Variants in AGBL4 observed in about 807,000 individuals in gnomAD.
AGBL4 encodes the protein AGBL carboxypeptidase 4, also known as cytosolic carboxypeptidase 6.
AGBL4 carries 58 observed loss-of-function variants against 66.4 expected under a neutral mutation model. The observed-to-expected ratio is 0.87, with a 90% CI of 0.71 to 1.09. The LOEUF is 1.09. Ranked by LOEUF, AGBL4 falls within the 50% of genes least tolerant of loss-of-function variation. AGBL4 has a pLI of 0.00. For missense variants in AGBL4, 579 were observed against 631.0 expected (o/e 0.92, Z 0.88); for synonymous variants, 234 against 222.9 (o/e 1.05, Z -0.44).
chr1:49,706,539 T>C (rs1471331084), intron 2 of AGBL4, among the ~76,000 whole-genome samples: 1 of 152,186 alleles, frequency 6.6e-6, no homozygotes, highest in Admixed American at 6.5e-5. Flanking sequence ...TTTTCATCTC[T>C]ATCTCCTTCA....
At chr1:49,029,178 C>A (rs2149032686) in intron 5 of AGBL4, among the ~76,000 whole-genome samples, 1 of 152,202 alleles carries the variant, frequency 6.6e-6, no homozygotes, top group Middle Eastern at 3.4e-3. Flanking sequence ...GCTCTTGCCA[C>A]TTCTATTTAA....
At chr1:49,114,618 C>G (rs1034895617) in intron 4 of AGBL4, among the ~76,000 whole-genome samples, 1 of 152,184 alleles carries the variant, frequency 6.6e-6, no homozygotes, top group African/African-American at 2.4e-5. Flanking sequence ...ACCTTCCTTA[C>G]TAAGATTAAT....
At chr1:49,329,890 A>G (rs1193289326) in intron 3 of AGBL4, among the ~76,000 whole-genome samples, 3 of 152,150 alleles carry the variant, frequency 2.0e-5, no homozygotes, top group Non-Finnish European at 2.9e-5. Context: ...TGTCTTATAT[A>G]TATTTACTTG....
At chr1:49,075,071 C>A (rs190921040) in intron 4 of AGBL4, among the ~76,000 whole-genome samples, 1 of 152,306 alleles carries the variant, frequency 6.6e-6, no homozygotes, top group African/African-American at 2.4e-5. Context: ...ATTCCCTGGA[C>A]ATTTCACTCA....
chr1:48,742,893 T>A, intron 6 of AGBL4: 1 of 938,238 alleles, frequency 1.1e-6, no homozygotes, highest in Non-Finnish European at 1.5e-6. Context: ...TTTTGTCCAT[T>A]GAACTACACT....
chr1:49,974,479 G>T (rs188895220), intron 1 of AGBL4, among the ~76,000 whole-genome samples: 1 of 152,106 alleles, frequency 6.6e-6, no homozygotes, highest in South Asian at 2.1e-4. Context: ...TTATTCTCAG[G>T]TGTGGAAATA....
At chr1:48,563,757 G>A (rs935863359) in intron 11 of AGBL4, among the ~76,000 whole-genome samples, 3 of 152,174 alleles carry the variant, frequency 2.0e-5, no homozygotes, top group African/African-American at 7.2e-5. Flanking sequence ...TGGAAAGGTC[G>A]GTGATCACTG....
intron 4 of AGBL4, among the ~76,000 whole-genome samples, chr1:49,047,065 A>G (rs185204494): frequency 5.9e-5 from 9 of 152,106 alleles, no homozygotes; most frequent in Non-Finnish European, 1.0e-4. Flanking sequence ...ATAACATACT[A>G]GTGTTTGTTG....
intron 3 of AGBL4, among the ~76,000 whole-genome samples, chr1:49,265,868 T>C (rs567099535): frequency 1.3e-5 from 2 of 152,258 alleles, no homozygotes; most frequent in South Asian, 2.1e-4. Context: ...TATGTGCATG[T>C]ATGTATGTAA....
In AGBL4 at chr1:49,760,784, T is replaced by C. The variant is rs1264343587; in HGVS notation, c.158-63347A>G. On this transcript the variant is annotated intron_variant, in intron 2 of 13. Transcript: ENST00000371839. ...ATAGAACCAACCCAAATGCCCATCA[T>C]TGATAGAATGGATAAAGAAAATGTG... Among the ~76,000 whole-genome samples, 7 of 152,104 alleles carry C rather than the reference T, an allele frequency of 4.6e-5. No homozygotes were observed. In the South Asian group the frequency reaches 6.2e-4, roughly 14 times the overall value.
rs115180412 is a variant in AGBL4, at chr1:48,814,655, C to T, written c.634+52536G>A. On this transcript the variant is annotated intron_variant, in intron 6 of 13. Coordinates refer to ENST00000371839, the MANE Select transcript of AGBL4 (RefSeq NM_032785.4). ...GCATCCACATATGAGTGAGAACATG[C>T]GGTATTTAACTTTCTGTTCCCGGCT... Among the ~76,000 whole-genome samples the T allele has an allele frequency of 1.2e-3, 175 of 146,852 alleles. 1 individual carries two copies. Among genetic ancestry groups the T allele is most frequent in the African/African-American group, 4.1e-3 (163 of 39,686 alleles).
intron 3 of AGBL4, among the ~76,000 whole-genome samples, chr1:49,418,191 C>T (rs1237694006): frequency 2.0e-5 from 3 of 152,134 alleles, no homozygotes; most frequent in African/African-American, 4.8e-5. Context: ...TAAGCCAAAT[C>T]TGTCAATATC....
intron 2 of AGBL4, among the ~76,000 whole-genome samples, chr1:49,715,676 T>C (rs35981478): frequency 1.1e-4 from 16 of 152,196 alleles, no homozygotes; most frequent in Non-Finnish European, 8.8e-5. Context: ...TGGTATCTCA[T>C]TGTGGTTTTG....
intron 8 of AGBL4, among the ~76,000 whole-genome samples, chr1:48,652,053 C>A (rs529725479): frequency 6.6e-6 from 1 of 152,040 alleles, no homozygotes; most frequent in African/African-American, 2.4e-5. Flanking sequence ...GATAACCAGG[C>A]CTGCTTGGTA....
chr1:49,527,026 C>A (rs968229952), intron 3 of AGBL4, among the ~76,000 whole-genome samples: 3 of 152,080 alleles, frequency 2.0e-5, no homozygotes, highest in Admixed American at 1.3e-4. Context: ...ATTATTTATC[C>A]TTTCTCTTAT....
intron 2 of AGBL4, among the ~76,000 whole-genome samples, chr1:49,769,182 A>C (rs1296561137): frequency 6.6e-6 from 1 of 152,056 alleles, no homozygotes; most frequent in South Asian, 2.1e-4. Flanking sequence ...TCAAGCCAAG[A>C]GCCAAATAAA....
At position 49,034,842 on chromosome 1, in the gene AGBL4, T is replaced by C. The variant is rs376529937; in HGVS notation, c.594+10742A>G. Among the ~76,000 whole-genome samples, 24 of 152,222 alleles carry C rather than the reference T, an allele frequency of 1.6e-4. 1 individual carries two copies. The East Asian group carries it at 1.9e-3, about 12-fold the overall frequency. Reference sequence around the variant, plus strand: ...GAGTCAATTAAACCTCTTTCCCTTATAAATTACCCAGTCTTGGGTATGTCT... The same window carrying C: ...GAGTCAATTAAACCTCTTTCCCTTACAAATTACCCAGTCTTGGGTATGTCT... On this transcript the variant is annotated intron_variant, in intron 5 of 13. Transcript: ENST00000371839.
chr1:49,120,090 G>A (rs1645620254), intron 4 of AGBL4, among the ~76,000 whole-genome samples: 1 of 152,050 alleles, frequency 6.6e-6, no homozygotes, highest in Admixed American at 6.5e-5. Context: ...TGTGAGATGG[G>A]TCTCCTGAAT....
At chr1:49,715,235 G>C (rs985562840) in intron 2 of AGBL4, among the ~76,000 whole-genome samples, 2 of 152,082 alleles carry the variant, frequency 1.3e-5, no homozygotes, top group Non-Finnish European at 2.9e-5. Flanking sequence ...CTGTTCCTGT[G>C]TTAGTTTGCT....
Sources: gnomAD v4.1 joint callset for allele counts (sites outside exome capture counted in the v4.1 genomes callset) on GRCh38, gnomAD v4.1.1 for gene constraint, MANE v1.5 for transcripts, NCBI Gene and HGNC (gene_info 2026-07-23, HGNC 2026-07-21) for gene names.